Variants in GRID1 observed in about 807,000 individuals in gnomAD.
GRID1 encodes the protein glutamate receptor ionotropic, delta-1.
GRID1 carries 28 observed loss-of-function variants against 98.0 expected under a neutral mutation model. That is an observed-to-expected ratio of 0.29 (90% CI 0.21 to 0.39). The LOEUF is 0.39. Among genes scored for constraint, GRID1 ranks in the 10% least tolerant of loss-of-function variants. The probability of loss-of-function intolerance (pLI) is 1.00; values close to 1 mark genes in which losing one functional copy is unlikely to be tolerated. For missense variants in GRID1, 1,111 were observed against 1,340.5 expected (o/e 0.83, Z 2.67); for synonymous variants, 553 against 538.5 (o/e 1.03, Z -0.37).
At chr10:85,888,427 T>C (rs60124697) in intron 5 of GRID1, among the ~76,000 whole-genome samples, 10,364 of 152,308 alleles carry the variant, frequency 0.068, 638 homozygotes, top group East Asian at 0.17. Context: ...GAACCTGGTA[T>C]ACCAGCCAGA....
intron 5 of GRID1, among the ~76,000 whole-genome samples, chr10:85,878,362 G>A (rs988936839): frequency 2.6e-5 from 4 of 152,112 alleles, no homozygotes; most frequent in African/African-American, 9.7e-5. Context: ...GTTAAGGGCA[G>A]CCAGAGAGAA....
intron 4 of GRID1, among the ~76,000 whole-genome samples, chr10:85,971,377 C>T (rs781204118): frequency 3.3e-5 from 5 of 151,782 alleles, no homozygotes; most frequent in Non-Finnish European, 5.9e-5. Flanking sequence ...CCAAAAGACA[C>T]CAAATTTAGA....
At chr10:86,152,563 C>A (rs1845184186) in intron 3 of GRID1, among the ~76,000 whole-genome samples, 1 of 152,230 alleles carries the variant, frequency 6.6e-6, no homozygotes, top group African/African-American at 2.4e-5. Flanking sequence ...CTGTGGCTCC[C>A]CTGTGGGAGA....
chr10:85,786,775 AAGG>A (rs1293282464), intron 8 of GRID1, among the ~76,000 whole-genome samples: 2 of 152,304 alleles, frequency 1.3e-5, no homozygotes, highest in East Asian at 3.9e-4. Context: ...GGCTGATAGG[AAGG>A]AGATTTGTGC....
chr10:85,832,810 TC>T (rs1226408590), intron 8 of GRID1, among the ~76,000 whole-genome samples: 1 of 152,014 alleles, frequency 6.6e-6, no homozygotes, highest in Non-Finnish European at 1.5e-5. Context: ...CTCATTCTTC[TC>T]CCAGCCAGAC....
At position 85,869,001 on chromosome 10, in the gene GRID1, A is replaced by C; in HGVS notation, c.951+9T>G. On this transcript the variant is annotated intron_variant, in intron 6 of 15. Transcript: ENST00000327946. ...GGAGGGGACTGGAGAGAAGAGGCTG[A>C]GCACTGACCTGCAGCATCTGGAGGT... is the stretch of plus-strand genomic sequence containing the variant. 6.2e-7 allele frequency: 1 copy of C among 1,612,016 alleles called. No individual in the cohort carries two copies. The highest frequency in any genetic ancestry group is 8.5e-7 in the Non-Finnish European group (1 of 1,178,826).
intron 8 of GRID1, among the ~76,000 whole-genome samples, chr10:85,754,979 G>A (rs781247422): frequency 2.0e-5 from 3 of 152,190 alleles, no homozygotes; most frequent in Admixed American, 1.3e-4. Context: ...AGCTTGGGAT[G>A]CTTTTGAATC....
At position 86,294,614 on chromosome 10, in the gene GRID1, C is replaced by T. The variant is rs113956276; in HGVS notation, c.235+69327G>A. On this transcript the variant is annotated intron_variant, in intron 2 of 15. Transcript: ENST00000327946. Reference sequence around the variant, plus strand: ...AGGGAGGGCAGATGGAGAAGCCTCACGGGGGCTGGTGTGGGCTGAAGCACC... The same window carrying T: ...AGGGAGGGCAGATGGAGAAGCCTCATGGGGGCTGGTGTGGGCTGAAGCACC... 6.6e-5 allele frequency among the ~76,000 whole-genome samples: 10 copies of T among 152,244 alleles called. 1 individual carries two copies. The highest frequency in any genetic ancestry group is 2.4e-4 in the African/African-American group (10 of 41,542).
intron 8 of GRID1, among the ~76,000 whole-genome samples, chr10:85,835,056 G>A (rs1442759939): frequency 6.6e-6 from 1 of 151,840 alleles, no homozygotes; most frequent in African/African-American, 2.4e-5. Flanking sequence ...ATTAATATCA[G>A]GTAAATAAAA....
At chr10:85,929,598 T>G (rs772358752) in intron 4 of GRID1, among the ~76,000 whole-genome samples, 1 of 152,238 alleles carries the variant, frequency 6.6e-6, no homozygotes, top group African/African-American at 2.4e-5. Flanking sequence ...TCAAATGTTT[T>G]AAAAGGGAGA....
At chr10:86,329,518 G>C (rs1316433821) in intron 2 of GRID1, among the ~76,000 whole-genome samples, 1 of 152,218 alleles carries the variant, frequency 6.6e-6, no homozygotes, top group African/African-American at 2.4e-5. Flanking sequence ...ACTGGTGAAA[G>C]GATAGGGGTG....
At chr10:85,822,118 T>C (rs1397417004) in intron 8 of GRID1, among the ~76,000 whole-genome samples, 1 of 152,060 alleles carries the variant, frequency 6.6e-6, no homozygotes, top group Non-Finnish European at 1.5e-5. Flanking sequence ...ATTCAGGACA[T>C]AGGCATGGGC....
At chr10:85,711,557 T>C (rs537723978) in intron 12 of GRID1, among the ~76,000 whole-genome samples, 61 of 151,970 alleles carry the variant, frequency 4.0e-4, no homozygotes, top group Middle Eastern at 3.4e-3. Context: ...GTAATGTTGA[T>C]TGTGACAATG....
chr10:85,609,655 G>A (rs1006810842), intron 15 of GRID1, among the ~76,000 whole-genome samples: 7 of 152,306 alleles, frequency 4.6e-5, no homozygotes, highest in African/African-American at 9.6e-5. Context: ...CCTGCTGCCC[G>A]GCCACCCTGG....
chr10:86,198,062 G>T (rs1368639534), intron 3 of GRID1, among the ~76,000 whole-genome samples: 2 of 152,104 alleles, frequency 1.3e-5, no homozygotes, highest in African/African-American at 2.4e-5. Flanking sequence ...TTTGCCAGGG[G>T]CCGCAAAGGA....
chr10:86,173,980 TG>T (rs1235198393), intron 3 of GRID1, among the ~76,000 whole-genome samples: 2 of 152,204 alleles, frequency 1.3e-5, no homozygotes, highest in Non-Finnish European at 2.9e-5. Flanking sequence ...CAATCATTGT[TG>T]GACTTCTGGG....
At chr10:86,158,939 G>A (rs900686527) in intron 3 of GRID1, among the ~76,000 whole-genome samples, 2 of 152,084 alleles carry the variant, frequency 1.3e-5, no homozygotes, top group African/African-American at 4.8e-5. Context: ...TGTCGCCCAG[G>A]CTGGAGTGCA....
rs551997875 is a variant in GRID1 at position 86,284,873 on chromosome 10, T to C, written c.236-78225A>G. The stretch of plus-strand genomic sequence containing the variant: ...GGTATAGGGGAAGAAAATTGGGCTG[T>C]GGCCACTCAGGTCTGGCTCTACCCT... On this transcript the variant is annotated intron_variant, in intron 2 of 15. Transcript: ENST00000327946. Among the ~76,000 whole-genome samples the C allele has an allele frequency of 6.6e-4, 100 of 152,284 alleles. 1 individual carries two copies. Among genetic ancestry groups the C allele is most frequent in the African/African-American group, 2.4e-3 (99 of 41,570 alleles).
chr10:85,772,954 T>G (rs1416659588), intron 8 of GRID1, among the ~76,000 whole-genome samples: 1 of 152,156 alleles, frequency 6.6e-6, no homozygotes, highest in East Asian at 1.9e-4. Context: ...AAAGAGGGAA[T>G]CCTCCCTAAC....
Sources: allele counts gnomAD v4.1 joint callset (sites outside exome capture counted in the v4.1 genomes callset), GRCh38; gene constraint gnomAD v4.1.1; transcripts MANE v1.5; gene names NCBI Gene and HGNC (gene_info 2026-07-23, HGNC 2026-07-21).